Variants in CSMD2 observed in about 807,000 individuals in gnomAD.
CSMD2 encodes CUB and sushi domain-containing protein 2.
A neutral mutation model predicts 398.5 loss-of-function variants in CSMD2; 130 were observed. The ratio of observed to expected loss-of-function variants is 0.33; its 90% CI spans 0.28 to 0.38. The LOEUF is 0.38. Among genes scored for constraint, CSMD2 ranks in the 10% least tolerant of loss-of-function variants. CSMD2 has a pLI of 1.00. For missense variants in CSMD2, 3,829 were observed against 4,764.9 expected (o/e 0.80, Z 5.78); for synonymous variants, 1,828 against 1,908.5 (o/e 0.96, Z 1.10).
intron 48 of CSMD2, among the ~76,000 whole-genome samples, chr1:33,579,062 C>T (rs1038628309): frequency 6.6e-6 from 1 of 152,134 alleles, no homozygotes; most frequent in Non-Finnish European, 1.5e-5. Context: ...CTAATTGTTG[C>T]GCCATGTAAT....
intron 40 of CSMD2, among the ~76,000 whole-genome samples, chr1:33,611,970 C>T (rs960250866): frequency 6.6e-6 from 1 of 152,184 alleles, no homozygotes; most frequent in African/African-American, 2.4e-5. Context: ...GCCCATATTG[C>T]ATTGATAATT....
intron 2 of CSMD2, among the ~76,000 whole-genome samples, chr1:34,069,608 G>A (rs1655499136): frequency 6.6e-6 from 1 of 152,154 alleles, no homozygotes; most frequent in Non-Finnish European, 1.5e-5. Context: ...AATTCACATG[G>A]AGACTATAAG....
intron 3 of CSMD2, among the ~76,000 whole-genome samples, chr1:34,027,241 C>T (rs1362935723): frequency 1.3e-5 from 2 of 152,134 alleles, no homozygotes; most frequent in African/African-American, 4.8e-5. Context: ...AGGATTTATA[C>T]AATTATCAGT....
At chr1:33,705,934 TAAAAA>T in intron 22 of CSMD2, among the ~76,000 whole-genome samples, 1 of 145,260 alleles carries the variant, frequency 6.9e-6, no homozygotes. Flanking sequence ...CTTTATTATT[TAAAAA>T]AAAAAAAAAC....
chr1:33,606,055 C>T, intron 41 of CSMD2: 2 of 1,542,654 alleles, frequency 1.3e-6, no homozygotes, highest in East Asian at 2.3e-5. Context: ...TGTCACAAAG[C>T]AAGTCCCTCC....
chr1:33,540,802 G>C, intron 59 of CSMD2, 104 bp from the exon 60 acceptor site: 1 of 1,313,992 alleles, frequency 7.6e-7, no homozygotes, highest in Non-Finnish European at 1.1e-6. Context: ...CCTAGAGCCT[G>C]GGCTAAACAG....
chr1:33,725,923 C>G (rs1571354893), intron 16 of CSMD2, among the ~76,000 whole-genome samples: 2 of 147,514 alleles, frequency 1.4e-5, no homozygotes, highest in African/African-American at 5.1e-5. Flanking sequence ...GTAAAGAGAT[C>G]TTAAAAAAAA....
At chr1:33,542,694 G>A (rs1199100511) in intron 58 of CSMD2, 26 bp downstream of exon 58, 2 of 1,597,256 alleles carry the variant, frequency 1.3e-6, no homozygotes, top group Non-Finnish European at 8.5e-7. Flanking sequence ...TGTTGGCCAT[G>A]GAACCCGTAG....
rs75977548 is a variant in CSMD2, at chr1:33,799,827, T to G, written c.1447-7301A>C. 4.0e-3 allele frequency among the ~76,000 whole-genome samples: 616 copies of G among 152,322 alleles called. 13 individuals carry two copies. The highest frequency in any genetic ancestry group is 0.028 in the East Asian group (147 of 5,184). ...AGCCCTGGACTTTCTGCCTCTGGAC[T>G]TTTGGTATGTGGAGAAAATAAACGG... On this transcript the variant is annotated intron_variant, in intron 10 of 70. Transcript: ENST00000373381.
chr1:33,859,887 T>C (rs1321625), intron 5 of CSMD2, among the ~76,000 whole-genome samples: 93,156 of 152,052 alleles, frequency 0.61, 29,817 homozygotes, highest in East Asian at 0.85. Context: ...CTGTGATTCC[T>C]GGAGATGATG....
At chr1:33,840,033 C>T (rs1226147420) in intron 6 of CSMD2, 1 of 152,158 alleles carries the variant, frequency 6.6e-6, no homozygotes, top group African/African-American at 2.4e-5. Flanking sequence ...ATGCTGCTTC[C>T]GTGGATTCTC....
intron 5 of CSMD2, among the ~76,000 whole-genome samples, chr1:33,914,023 T>C (rs1643596753): frequency 6.6e-6 from 1 of 152,116 alleles, no homozygotes; most frequent in African/African-American, 2.4e-5. Flanking sequence ...TACATCCCCA[T>C]ATTGTTAAAA....
At chr1:34,006,221 A>C (rs1647049592) in intron 3 of CSMD2, among the ~76,000 whole-genome samples, 1 of 152,188 alleles carries the variant, frequency 6.6e-6, no homozygotes, top group Admixed American at 6.5e-5. Flanking sequence ...CCTTTGAGAC[A>C]GTCCTCCCAG....
At chr1:33,594,655 C>T (rs1330471708) in intron 44 of CSMD2, among the ~76,000 whole-genome samples, 4 of 152,122 alleles carry the variant, frequency 2.6e-5, no homozygotes, top group African/African-American at 4.8e-5. Flanking sequence ...TATTTCTTAT[C>T]TTCTATCTTC....
At chr1:33,831,210 C>T (rs958417236) in intron 6 of CSMD2, among the ~76,000 whole-genome samples, 8 of 152,052 alleles carry the variant, frequency 5.3e-5, no homozygotes, top group African/African-American at 1.9e-4. Context: ...ACATAATTGT[C>T]AGATTCACCA....
intron 27 of CSMD2, among the ~76,000 whole-genome samples, chr1:33,655,051 C>T (rs1211715488): frequency 3.3e-5 from 5 of 152,226 alleles, no homozygotes; most frequent in African/African-American, 4.8e-5. Context: ...TGGGCTGCCT[C>T]GCCAACAGGA....
chr1:34,142,898 G>A (rs1234735958), intron 1 of CSMD2, among the ~76,000 whole-genome samples: 3 of 152,158 alleles, frequency 2.0e-5, no homozygotes, highest in African/African-American at 7.2e-5. Flanking sequence ...TTATTGAAAT[G>A]GTTTGTGATT....
intron 3 of CSMD2, among the ~76,000 whole-genome samples, chr1:33,972,941 T>C (rs1052473266): frequency 8.5e-5 from 13 of 152,070 alleles, no homozygotes; most frequent in Non-Finnish European, 1.6e-4. Flanking sequence ...GCTAAAAGAC[T>C]ATGAGTCTCC....
chr1:34,118,543 A>C (rs1661836221), intron 1 of CSMD2, among the ~76,000 whole-genome samples: 1 of 152,224 alleles, frequency 6.6e-6, no homozygotes, highest in Admixed American at 6.5e-5. Flanking sequence ...ACTAATAAAC[A>C]ATTTCAGCAA....
Sources: allele counts gnomAD v4.1 joint callset (sites outside exome capture counted in the v4.1 genomes callset), GRCh38; gene constraint gnomAD v4.1.1; transcripts MANE v1.5; gene names NCBI Gene and HGNC (gene_info 2026-07-23, HGNC 2026-07-21).